ITGAD: variants seen among roughly 807,000 people sequenced by gnomAD.
ITGAD encodes the protein integrin subunit alpha D.
A neutral mutation model predicts 139.0 loss-of-function variants in ITGAD; 105 were observed. The observed-to-expected ratio is 0.76, with a 90% CI of 0.65 to 0.89. ITGAD has a LOEUF of 0.89. Ranked by LOEUF, ITGAD falls within the 40% of genes least tolerant of loss-of-function variation. ITGAD has a pLI of 0.00. For missense variants in ITGAD, 1,384 were observed against 1,487.3 expected, an observed-to-expected ratio of 0.93 and a Z score of 1.14; for synonymous variants, 569 against 598.3, an observed-to-expected ratio of 0.95 and a Z score of 0.71.
rs1268676513 is a variant in ITGAD, at chr16:31,421,461, CA to C, written c.2781-1641del. Among the ~76,000 whole-genome samples the C allele has an allele frequency of 7.0e-3, 732 of 104,122 alleles. 7 individuals carry two copies. The highest frequency in any genetic ancestry group is 8.5e-3 in the African/African-American group (233 of 27,300). The allele number at this position is 104,122 out of a possible 152,430, so 68.3% of individuals were successfully genotyped here. ...CAACATAGTGAGAACCCATCTCTAC[CA>C]AAAAAAAAAAATTAAAAATGAAAAT... On this transcript the variant is annotated intron_variant, in intron 23 of 29. Coordinates refer to ENST00000389202, the MANE Select transcript of ITGAD (RefSeq NM_005353.3).
intron 23 of ITGAD, among the ~76,000 whole-genome samples, chr16:31,419,088 G>C (rs542896328): frequency 1.5e-4 from 23 of 151,562 alleles, no homozygotes; most frequent in African/African-American, 5.3e-4. Flanking sequence ...AGCTACTCAG[G>C]AGGCTAAGGC....
intron 7 of ITGAD, among the ~76,000 whole-genome samples, chr16:31,404,888 C>T (rs2142687773): frequency 6.6e-6 from 1 of 151,222 alleles, no homozygotes; most frequent in East Asian, 2.0e-4. Context: ...CCCTCCCTCA[C>T]TTCATTTCTT....
intron 23 of ITGAD, among the ~76,000 whole-genome samples, chr16:31,421,857 G>A (rs1271728090): frequency 6.6e-6 from 1 of 152,182 alleles, no homozygotes; most frequent in Non-Finnish European, 1.5e-5. Flanking sequence ...GGGGTGGACT[G>A]CTGGGGCTGT....
rs2081772043 is a variant in ITGAD at position 31,412,970 on chromosome 16, T to C, written c.1838+2T>C. The C allele has an allele frequency of 6.2e-7, 1 of 1,604,312 alleles. No individual in the cohort carries two copies. The highest frequency in any genetic ancestry group is 2.2e-5 in the East Asian group (1 of 44,800). ...CCGGGGCCAGGTGCTCCTGCTCAGG[T>C]AGCGACTCCCCAACATCCTGCCCTC... On this transcript the variant is annotated splice_donor_variant, in intron 15 of 29. Transcript: ENST00000389202. LOFTEE classifies it high-confidence loss of function.
At chr16:31,422,807 G>A (rs1452705886) in intron 23 of ITGAD, among the ~76,000 whole-genome samples, 1 of 152,138 alleles carries the variant, frequency 6.6e-6, no homozygotes, top group East Asian at 1.9e-4. Context: ...GGACATCGGA[G>A]GGAGGGGAGC....
chr16:31,413,803 G>A (rs982304913), intron 16 of ITGAD, among the ~76,000 whole-genome samples: 1 of 152,094 alleles, frequency 6.6e-6, no homozygotes, highest in Admixed American at 6.6e-5. Flanking sequence ...CCATGGTCCC[G>A]GATGTTCTCC....
At chr16:31,425,648 GCTTTTCTTT>G (rs1416982206) in intron 29 of ITGAD, among the ~76,000 whole-genome samples, 4 of 151,438 alleles carry the variant, frequency 2.6e-5, no homozygotes, top group African/African-American at 9.7e-5. Flanking sequence ...CTCTTACCCA[GCTTTTCTTT>G]CTTTTCTTTC....
intron 23 of ITGAD, among the ~76,000 whole-genome samples, chr16:31,421,736 A>G (rs770133321): frequency 2.0e-5 from 3 of 152,122 alleles, no homozygotes; most frequent in Admixed American, 6.5e-5. Context: ...TACAGTTTCC[A>G]GAGACGTGAA....
At chr16:31,420,400 A>C (rs915421016) in intron 23 of ITGAD, among the ~76,000 whole-genome samples, 5 of 150,452 alleles carry the variant, frequency 3.3e-5, no homozygotes, top group Non-Finnish European at 5.9e-5. Flanking sequence ...GTTTGCTGCT[A>C]TTGCTTTTTT....
chr16:31,414,638 A>T (rs1347697269), intron 17 of ITGAD, 33 bp downstream of exon 17: 1 of 1,612,624 alleles, frequency 6.2e-7, no homozygotes, highest in Admixed American at 1.7e-5. Context: ...AGGGGGAGAG[A>T]GGAGGAGCCC....
chr16:31,401,230 C>T (rs2142638798), intron 5 of ITGAD, among the ~76,000 whole-genome samples: 1 of 152,254 alleles, frequency 6.6e-6, no homozygotes, highest in South Asian at 2.1e-4. Flanking sequence ...CACCACACTC[C>T]AGCCTGGGTG....
chr16:31,423,405 T>C lies in ITGAD; in HGVS notation c.2913T>C (p.Pro971=), dbSNP rs773458197. 5 of 1,614,194 alleles carry C rather than the reference T, an allele frequency of 3.1e-6. No individual in the cohort carries two copies. The highest frequency in any genetic ancestry group is 2.2e-5 in the East Asian group (1 of 44,886). The part of the protein sequence containing the change: ...DLAISINFWV[P]VLLNGVAVWD... ...CCATCAGCATTAACTTCTGGGTTCCTGTCCTGCTGAACGGGGTGGCTGTGT... is the reference window on the plus strand; with the variant it reads ...CCATCAGCATTAACTTCTGGGTTCCCGTCCTGCTGAACGGGGTGGCTGTGT... Residue 971 remains proline (P), a synonymous_variant, in exon 25 of 30, where the codon CCT becomes CCC. Coordinates refer to ENST00000389202, the MANE Select transcript of ITGAD (RefSeq NM_005353.3).
At position 31,416,611 on chromosome 16, in the gene ITGAD, G is replaced by C. The variant is rs143518464; in HGVS notation, c.2464G>C (p.Ala822Pro). Residue 822 changes from alanine (A) to proline (P), a missense_variant, in exon 20 of 30, where the codon GCA becomes CCA. By Grantham distance (27) the Ala-to-Pro change is conservative. Transcript: ENST00000389202. ...AACCGTGGTCAGCCTCTACTATCCA[G>C]CAGGGCTGTCGCACCGACGGGTGTC... ...YGTVVSLYYP[A>P]GLSHRRVSGA... The C allele has an allele frequency of 1.9e-5, 31 of 1,612,696 alleles. No individual in the cohort carries two copies. In the Middle Eastern group the frequency reaches 4.9e-4, roughly 26 times the overall value.
chr16:31,418,274 C>G, intron 21 of ITGAD, 27 bp from the exon 22 acceptor site: 1 of 1,610,596 alleles, frequency 6.2e-7, no homozygotes, highest in Non-Finnish European at 8.5e-7. Flanking sequence ...TCCTTTTATC[C>G]CCATTCTTTC....
chr16:31,417,692 C>A (rs1193596922), intron 20 of ITGAD, among the ~76,000 whole-genome samples: 3 of 152,156 alleles, frequency 2.0e-5, no homozygotes, highest in Non-Finnish European at 4.4e-5. Context: ...CACCTGTAAT[C>A]CCAGCACTTT....
chr16:31,411,579 C>G, intron 14 of ITGAD, 62 bp downstream of exon 14: 1 of 1,507,058 alleles, frequency 6.6e-7, no homozygotes, highest in Non-Finnish European at 9.2e-7. Context: ...GTTCACTGAA[C>G]GCAGCCTCCT....
chr16:31,425,485 G>A (rs2082095180), intron 29 of ITGAD, among the ~76,000 whole-genome samples: 1 of 152,184 alleles, frequency 6.6e-6, no homozygotes, highest in Admixed American at 6.5e-5. Context: ...TCCTGCCACG[G>A]GTCGTGTGTG....
At chr16:31,415,633 T>C (rs909188055) in intron 18 of ITGAD, among the ~76,000 whole-genome samples, 17 of 152,344 alleles carry the variant, frequency 1.1e-4, no homozygotes, top group Middle Eastern at 3.4e-3. Flanking sequence ...TTCCTACCTC[T>C]GTGCCTTTGT....
chr16:31,400,864 C>T (rs1397512155), intron 5 of ITGAD, among the ~76,000 whole-genome samples: 1 of 152,154 alleles, frequency 6.6e-6, no homozygotes, highest in Non-Finnish European at 1.5e-5. Context: ...CCTCAGCGTC[C>T]CAAAGTGCTA....
Sources: allele counts gnomAD v4.1 joint callset (sites outside exome capture counted in the v4.1 genomes callset), GRCh38; gene constraint gnomAD v4.1.1; transcripts MANE v1.5; gene names NCBI Gene and HGNC (gene_info 2026-07-23, HGNC 2026-07-21).